The following HSF5 variants were observed in gnomAD, a reference collection of about 807,000 sequenced individuals.
HSF5 encodes heat shock transcription factor 5.
A neutral mutation model predicts 50.8 loss-of-function variants in HSF5; 5 were observed. That is an observed-to-expected ratio of 0.10 (90% confidence interval 0.05 to 0.21). HSF5 has a LOEUF of 0.21. Ranked by LOEUF, HSF5 falls within the 10% of genes least tolerant of loss-of-function variation. The pLI is 1.00. For missense variants in HSF5, 564 were observed against 762.6 expected (o/e 0.74, Z 3.07); for synonymous variants, 307 against 307.4 (o/e 1.00, Z 0.02).
intron 1 of HSF5, among the ~76,000 whole-genome samples, chr17:58,482,425 C>G (rs1427134512): frequency 6.6e-6 from 1 of 151,912 alleles, no homozygotes; most frequent in African/African-American, 2.4e-5. Context: ...TGGTGAGATC[C>G]TGGCCAGGTA....
chr17:58,471,504 T>A (rs1403970419), intron 2 of HSF5, among the ~76,000 whole-genome samples: 2 of 152,200 alleles, frequency 1.3e-5, no homozygotes, highest in East Asian at 1.9e-4. Flanking sequence ...ATCAGTAACT[T>A]TTTTTGCCCA....
At chr17:58,464,579 T>G (rs1294515791) in intron 3 of HSF5, among the ~76,000 whole-genome samples, 1 of 152,214 alleles carries the variant, frequency 6.6e-6, no homozygotes, top group East Asian at 1.9e-4. Flanking sequence ...TTTCAAAATT[T>G]TATGTGTGCT....
chr17:58,460,492 C>T (rs2143777534), intron 4 of HSF5, among the ~76,000 whole-genome samples: 1 of 99,860 alleles, frequency 1.0e-5, no homozygotes, highest in Non-Finnish European at 2.1e-5. Context: ...CACACACACA[C>T]ACACACACAC....
intron 5 of HSF5, among the ~76,000 whole-genome samples, chr17:58,457,985 A>C (rs1344576664): frequency 6.6e-6 from 1 of 152,202 alleles, no homozygotes; most frequent in Non-Finnish European, 1.5e-5. Context: ...TTTTGGAAAA[A>C]TTCTCACAGA....
chr17:58,475,606 C>A (rs1975002126), intron 2 of HSF5, among the ~76,000 whole-genome samples: 1 of 152,090 alleles, frequency 6.6e-6, no homozygotes, highest in African/African-American at 2.4e-5. Flanking sequence ...CCCACTTAAC[C>A]CCCCCAAACA....
chr17:58,475,112 A>AT (rs986117945), intron 2 of HSF5, among the ~76,000 whole-genome samples: 2 of 152,182 alleles, frequency 1.3e-5, no homozygotes, highest in African/African-American at 4.8e-5. Flanking sequence ...CTGAAAATCT[A>AT]TAAAACTCAA....
At chr17:58,485,746 CAAA>C (rs35831142) in intron 1 of HSF5, among the ~76,000 whole-genome samples, 3 of 115,642 alleles carry the variant, frequency 2.6e-5, no homozygotes, top group Admixed American at 9.2e-5. Context: ...AACCCTATCT[CAAA>C]AAAAAAAAAA....
At chr17:58,474,301 C>T (rs781230000) in intron 2 of HSF5, among the ~76,000 whole-genome samples, 16 of 152,132 alleles carry the variant, frequency 1.1e-4, no homozygotes, top group Non-Finnish European at 2.2e-4. Context: ...TTTTCATTTA[C>T]AAAGTACTTC....
At chr17:58,469,489 G>C (rs1416534442) in intron 2 of HSF5, among the ~76,000 whole-genome samples, 1 of 152,190 alleles carries the variant, frequency 6.6e-6, no homozygotes, top group Non-Finnish European at 1.5e-5. Context: ...TGAAGAAAAT[G>C]AGGATTTGAA....
intron 1 of HSF5, among the ~76,000 whole-genome samples, chr17:58,486,440 T>C (rs976565165): frequency 6.6e-6 from 1 of 152,214 alleles, no homozygotes; most frequent in African/African-American, 2.4e-5. Flanking sequence ...TAAATACAGA[T>C]GTATACCAAA....
In HSF5 at chr17:58,458,855, C is replaced by G. The variant is rs187132043; in HGVS notation, c.1633G>C (p.Ala545Pro). ...CCTGTGTCTTCACTAGGCTTGCTAG[C>G]AGGCCCCATTTCTGAAATGAGGAAT... ...MGFLISEMGP[A>P]SKPSEDTGLA... The change falls in exon 5 of 6, where the codon GCT becomes CCT. Residue 545 changes from alanine (A) to proline (P), a missense_variant. Ala to Pro is a conservative substitution (Grantham distance 27). This residue lies in a region of HSF5 where 441 missense variants were observed against 533.6 expected (regional missense o/e 0.83). Coordinates refer to ENST00000323777, the MANE Select transcript of HSF5 (RefSeq NM_001080439.3). The G allele has an allele frequency of 6.2e-7, 1 of 1,614,178 alleles. No individual in the cohort carries two copies. Among genetic ancestry groups the G allele is most frequent in the Non-Finnish European group, 8.5e-7 (1 of 1,180,004 alleles).
intron 4 of HSF5, among the ~76,000 whole-genome samples, chr17:58,460,508 C>T (rs1019197220): frequency 2.3e-5 from 3 of 130,940 alleles, no homozygotes; most frequent in African/African-American, 5.9e-5. Flanking sequence ...CACACACACA[C>T]ACATACTTTT....
At chr17:58,482,931 C>T (rs929574584) in intron 1 of HSF5, among the ~76,000 whole-genome samples, 18 of 147,068 alleles carry the variant, frequency 1.2e-4, no homozygotes, top group Admixed American at 8.2e-4. Context: ...CAGAGGGAGA[C>T]TCTGTCTTTT....
At chr17:58,445,101 G>A (rs1974542057) in intron 5 of HSF5, among the ~76,000 whole-genome samples, 1 of 152,046 alleles carries the variant, frequency 6.6e-6, no homozygotes, top group South Asian at 2.1e-4. Context: ...AAAAAATCCA[G>A]GAAATAATAA....
rs1203461959 is a variant in HSF5 at position 58,487,753 on chromosome 17, C to T, written c.522G>A (p.Pro174=). 2 of 1,383,404 alleles carry T rather than the reference C, an allele frequency of 1.4e-6. No individual in the cohort carries two copies. The highest frequency in any genetic ancestry group is 1.5e-5 in the African/African-American group (1 of 65,768). 85.7% of individuals were successfully genotyped at this position (1,383,404 alleles called of 1,614,324 possible). A position where few individuals can be genotyped will look rare whatever the true frequency, so the allele number is the denominator to read the frequency against. Residue 174 remains proline, a synonymous_variant, in exon 1 of 6, where the codon CCG becomes CCA. Coordinates refer to ENST00000323777, the MANE Select transcript of HSF5 (RefSeq NM_001080439.3). ...TAPLQHQQPP[P]PAGPRPEPHG... is the part of the protein sequence containing the mutation. ...GCGGCTCGGGCCGGGGCCCCGCGGG[C>T]GGCGGCGGCTGCTGGTGCTGCAGTG...
At chr17:58,436,626 A>C (rs1431254922) in intron 5 of HSF5, among the ~76,000 whole-genome samples, 1 of 152,216 alleles carries the variant, frequency 6.6e-6, no homozygotes, top group Non-Finnish European at 1.5e-5. Context: ...CATGTAGTGA[A>C]AGAGAGGAAA....
intron 5 of HSF5, among the ~76,000 whole-genome samples, chr17:58,424,829 A>G (rs1167355336): frequency 1.3e-5 from 2 of 152,166 alleles, no homozygotes; most frequent in Non-Finnish European, 2.9e-5. Context: ...ATTCTGGCAC[A>G]TGCTACAACA....
intron 5 of HSF5, among the ~76,000 whole-genome samples, 200 bp downstream of exon 5, chr17:58,458,568 T>G (rs943840750): frequency 1.2e-4 from 18 of 152,166 alleles, no homozygotes; most frequent in African/African-American, 4.3e-4. Context: ...ATATGCAATA[T>G]TAAGAAAATA....
intron 1 of HSF5, among the ~76,000 whole-genome samples, chr17:58,484,425 G>A (rs1008822011): frequency 9.9e-5 from 15 of 152,178 alleles, no homozygotes; most frequent in African/African-American, 3.6e-4. Flanking sequence ...ATACAACTGA[G>A]TTTAAGATAG....
Sources: allele counts gnomAD v4.1 joint callset (sites outside exome capture counted in the v4.1 genomes callset), GRCh38; gene constraint gnomAD v4.1.1; regional missense constraint gnomAD v4.1.1; transcripts MANE v1.5; gene names NCBI Gene and HGNC (gene_info 2026-07-23, HGNC 2026-07-21).